The following PRKG1 variants were observed in gnomAD, a reference collection of about 807,000 sequenced individuals.
PRKG1 encodes the protein cGMP-dependent protein kinase 1.
PRKG1 carries 35 observed loss-of-function variants against 88.1 expected under a neutral mutation model. The ratio of observed to expected loss-of-function variants is 0.40; its 90% CI spans 0.30 to 0.53. PRKG1 has a LOEUF of 0.53. Ranked by LOEUF, PRKG1 falls within the 20% of genes least tolerant of loss-of-function variation. The pLI, the probability that PRKG1 is intolerant of heterozygous loss-of-function variation, is 0.59. For synonymous variants in PRKG1, 303 were observed against 292.5 expected (o/e 1.04, Z -0.37); for missense variants, 540 against 839.8 (o/e 0.64, Z 4.41).
chr10:51,841,709 G>A (rs1025502006), intron 4 of PRKG1, among the ~76,000 whole-genome samples: 2 of 151,754 alleles, frequency 1.3e-5, no homozygotes, highest in African/African-American at 2.4e-5. Context: ...TTGATACAGA[G>A]TCTCGCTCTG....
intron 2 of PRKG1, among the ~76,000 whole-genome samples, chr10:51,423,514 C>T (rs566585111): frequency 1.3e-5 from 2 of 152,206 alleles, no homozygotes; most frequent in South Asian, 4.1e-4. Context: ...TCCTACAAAA[C>T]CTTCTGTTCA....
At chr10:51,551,138 C>T (rs1046413562) in intron 3 of PRKG1, among the ~76,000 whole-genome samples, 2 of 151,804 alleles carry the variant, frequency 1.3e-5, no homozygotes, top group Non-Finnish European at 2.9e-5. Flanking sequence ...AAAGCAAATA[C>T]TCACATAATG....
chr10:51,904,288 T>C (rs1405651368), intron 4 of PRKG1, among the ~76,000 whole-genome samples: 3 of 152,134 alleles, frequency 2.0e-5, no homozygotes, highest in Non-Finnish European at 4.4e-5. Flanking sequence ...ACATTTTATC[T>C]GGAAGTTTGT....
intron 1 of PRKG1, among the ~76,000 whole-genome samples, chr10:51,015,953 C>T (rs907432948): frequency 6.6e-6 from 1 of 152,034 alleles, no homozygotes; most frequent in Non-Finnish European, 1.5e-5. Flanking sequence ...GTGTTAAGCA[C>T]TATGATTGAA....
At chr10:52,177,932 A>G (rs1240019451) in intron 9 of PRKG1, among the ~76,000 whole-genome samples, 1 of 151,426 alleles carries the variant, frequency 6.6e-6, no homozygotes, top group Non-Finnish European at 1.5e-5. Flanking sequence ...TATCTTTTCA[A>G]AAAAACAACT....
chr10:51,433,324 G>C (rs1009976340), intron 2 of PRKG1, among the ~76,000 whole-genome samples: 5 of 152,216 alleles, frequency 3.3e-5, no homozygotes, highest in East Asian at 1.9e-4. Context: ...AAGAGTATGA[G>C]CTTTAAAATC....
chr10:51,852,217 A>ATG (rs1358849703), intron 4 of PRKG1, among the ~76,000 whole-genome samples: 5 of 149,486 alleles, frequency 3.3e-5, no homozygotes, highest in African/African-American at 1.2e-4. Flanking sequence ...ATATGTGTAT[A>ATG]TATATATATA....
At chr10:52,077,797 T>C (rs10824023) in intron 7 of PRKG1, among the ~76,000 whole-genome samples, 26,090 of 152,008 alleles carry the variant, frequency 0.17, 2,837 homozygotes, top group South Asian at 0.28. Flanking sequence ...TAGGGCTCAT[T>C]TGGGTAAATG....
At chr10:51,244,199 C>T (rs1839227010) in intron 2 of PRKG1, among the ~76,000 whole-genome samples, 1 of 151,498 alleles carries the variant, frequency 6.6e-6, no homozygotes, top group African/African-American at 2.4e-5. Context: ...ACCTATGGGA[C>T]TATTTAAAAC....
chr10:51,397,197 G>A (rs1214655169), intron 2 of PRKG1, among the ~76,000 whole-genome samples: 1 of 145,530 alleles, frequency 6.9e-6, no homozygotes, highest in East Asian at 2.0e-4. Flanking sequence ...CTACATTGTA[G>A]TCTGGGCTCT....
intron 9 of PRKG1, among the ~76,000 whole-genome samples, chr10:52,235,379 TAA>T (rs1840653846): frequency 9.6e-6 from 1 of 103,916 alleles, no homozygotes; most frequent in African/African-American, 3.8e-5. Flanking sequence ...GCAAATTGGA[TAA>T]AGAGTCAAGA....
intron 3 of PRKG1, among the ~76,000 whole-genome samples, chr10:51,785,461 G>A (rs1344373954): frequency 6.6e-6 from 1 of 152,070 alleles, no homozygotes; most frequent in Non-Finnish European, 1.5e-5. Context: ...AAAACAGAAT[G>A]ACAAAATTGG....
intron 2 of PRKG1, among the ~76,000 whole-genome samples, chr10:51,296,998 A>T (rs1840738314): frequency 6.6e-6 from 1 of 152,106 alleles, no homozygotes; most frequent in Non-Finnish European, 1.5e-5. Flanking sequence ...TTGGGAGGAT[A>T]TTCCTCTGTT....
intron 2 of PRKG1, among the ~76,000 whole-genome samples, chr10:51,392,934 C>A (rs1439458286): frequency 1.3e-5 from 1 of 75,276 alleles, no homozygotes; most frequent in Non-Finnish European, 3.8e-5. Context: ...CCCTCCCGGA[C>A]GGGGCGGCTG....
chr10:51,180,152 C>A (rs1245001361), intron 2 of PRKG1, among the ~76,000 whole-genome samples: 2 of 152,150 alleles, frequency 1.3e-5, no homozygotes, highest in Non-Finnish European at 2.9e-5. Context: ...ATGCACGGGG[C>A]AAATACTGCA....
At chr10:51,498,855 T>G (rs2132888159) in intron 3 of PRKG1, among the ~76,000 whole-genome samples, 1 of 152,090 alleles carries the variant, frequency 6.6e-6, no homozygotes, top group African/African-American at 2.4e-5. Flanking sequence ...CTTCATGTTT[T>G]TTTCCTAACC....
chr10:51,855,304 G>A (rs1332534920), intron 4 of PRKG1, among the ~76,000 whole-genome samples: 2 of 152,106 alleles, frequency 1.3e-5, no homozygotes, highest in Non-Finnish European at 2.9e-5. Context: ...TTTTATATCA[G>A]ACAATCTGAT....
chr10:51,315,473 T>A (rs1841294812), intron 2 of PRKG1, among the ~76,000 whole-genome samples: 2 of 152,196 alleles, frequency 1.3e-5, no homozygotes, highest in African/African-American at 4.8e-5. Context: ...GATCACAGTA[T>A]TTTTATGGGA....
intron 2 of PRKG1, among the ~76,000 whole-genome samples, chr10:51,159,981 C>T (rs928926442): frequency 9.9e-5 from 15 of 152,138 alleles, no homozygotes; most frequent in African/African-American, 3.4e-4. Flanking sequence ...AACCTTATCT[C>T]CTGAGGCATT....
Sources: gnomAD v4.1 joint callset for allele counts (sites outside exome capture counted in the v4.1 genomes callset) on GRCh38, gnomAD v4.1.1 for gene constraint, MANE v1.5 for transcripts, NCBI Gene and HGNC (gene_info 2026-07-23, HGNC 2026-07-21) for gene names.